The following SLC35F3 variants were observed in gnomAD, a reference collection of about 807,000 sequenced individuals.
SLC35F3 encodes solute carrier family 35 member F3.
In SLC35F3, 25 loss-of-function variants were observed where a neutral mutation model predicts 49.9. That is an observed-to-expected ratio of 0.50 (90% CI 0.37 to 0.70). The LOEUF is 0.70. Among genes scored for constraint, SLC35F3 ranks in the 30% least tolerant of loss-of-function variants. The probability of loss-of-function intolerance (pLI) is 0.00; values close to 1 mark genes in which losing one functional copy is unlikely to be tolerated. For missense variants in SLC35F3, 525 were observed against 639.8 expected (o/e 0.82, Z 1.94); for synonymous variants, 275 against 265.4 (o/e 1.04, Z -0.35).
At chr1:234,122,303 A>G (rs933690567) in intron 2 of SLC35F3, among the ~76,000 whole-genome samples, 17 of 152,252 alleles carry the variant, frequency 1.1e-4, no homozygotes, top group African/African-American at 4.1e-4. Flanking sequence ...ACGTCTGACC[A>G]GGCATTCCGT....
At chr1:234,069,017 T>C (rs1466068255) in intron 2 of SLC35F3, among the ~76,000 whole-genome samples, 88 of 123,618 alleles carry the variant, frequency 7.1e-4, no homozygotes, top group African/African-American at 2.2e-3. Context: ...AATTTTACTA[T>C]ATATAATATA....
intron 2 of SLC35F3, among the ~76,000 whole-genome samples, chr1:234,146,481 C>CTTTTTTTTCTTTTT (rs1665997483): frequency 1.4e-5 from 1 of 74,050 alleles, no homozygotes; most frequent in African/African-American, 6.2e-5. Context: ...GATATTTGCT[C>CTTTTTTTTCTTTTT]TTTTTTTTTT....
chr1:234,318,712 G>A, intron 5 of SLC35F3, 39 bp from the exon 6 acceptor site: 1 of 1,584,972 alleles, frequency 6.3e-7, no homozygotes, highest in Non-Finnish European at 8.6e-7. Flanking sequence ...GGGGTCTGAG[G>A]TGAGCCTTCA....
At chr1:233,945,616 C>A (rs1662501279) in intron 2 of SLC35F3, among the ~76,000 whole-genome samples, 1 of 152,210 alleles carries the variant, frequency 6.6e-6, no homozygotes. Context: ...CAGATCTCAT[C>A]TTGAGTTATA....
chr1:233,926,327 C>T (rs1195249102), intron 2 of SLC35F3, among the ~76,000 whole-genome samples: 4 of 152,038 alleles, frequency 2.6e-5, no homozygotes, highest in Admixed American at 2.6e-4. Context: ...CGGCTTTATT[C>T]GTTTCTTTTT....
intron 2 of SLC35F3, among the ~76,000 whole-genome samples, chr1:234,114,748 A>G (rs112354445): frequency 0.018 from 2,709 of 152,316 alleles, 72 homozygotes; most frequent in African/African-American, 0.062. Context: ...GAAGAGTTGG[A>G]AAGAGGCGTT....
intron 2 of SLC35F3, among the ~76,000 whole-genome samples, chr1:234,060,129 T>C (rs759774333): frequency 2.5e-4 from 38 of 152,190 alleles, no homozygotes; most frequent in Non-Finnish European, 5.4e-4. Flanking sequence ...CTTTAAACTT[T>C]AGTGAGGTTT....
At chr1:234,147,223 C>G (rs2102906575) in intron 2 of SLC35F3, among the ~76,000 whole-genome samples, 2 of 119,362 alleles carry the variant, frequency 1.7e-5, no homozygotes, top group South Asian at 5.4e-4. Context: ...TTTGCCCTTT[C>G]TATTTTCTTT....
chr1:234,129,199 A>G (rs532394167), intron 2 of SLC35F3, among the ~76,000 whole-genome samples: 17 of 152,358 alleles, frequency 1.1e-4, no homozygotes, highest in African/African-American at 3.8e-4. Flanking sequence ...GCACTTTACA[A>G]TAGAGGATAT....
At chr1:234,073,721 A>G (rs1414907234) in intron 2 of SLC35F3, among the ~76,000 whole-genome samples, 1 of 152,210 alleles carries the variant, frequency 6.6e-6, no homozygotes, top group African/African-American at 2.4e-5. Flanking sequence ...TCCATATAAA[A>G]TAAAAATCCA....
chr1:234,087,178 T>C (rs1016230552), intron 2 of SLC35F3, among the ~76,000 whole-genome samples: 1 of 152,162 alleles, frequency 6.6e-6, no homozygotes, highest in Non-Finnish European at 1.5e-5. Context: ...TGTGCCATGC[T>C]CATCTAGGGA....
intron 3 of SLC35F3, among the ~76,000 whole-genome samples, chr1:234,248,850 A>G (rs1336717802): frequency 3.3e-5 from 5 of 152,234 alleles, no homozygotes; most frequent in Admixed American, 2.6e-4. Context: ...CTGCCCTTCC[A>G]GAGTCATAGA....
At chr1:234,037,425 A>G (rs910290236) in intron 2 of SLC35F3, among the ~76,000 whole-genome samples, 2 of 152,214 alleles carry the variant, frequency 1.3e-5, no homozygotes, top group Non-Finnish European at 2.9e-5. Flanking sequence ...CACTTCCAAC[A>G]TTGGTATCAC....
chr1:234,190,332 ACACATAAGGACT>A (rs1278282116), intron 2 of SLC35F3, among the ~76,000 whole-genome samples: 1 of 152,226 alleles, frequency 6.6e-6, no homozygotes, highest in Non-Finnish European at 1.5e-5. Context: ...GACTCACCTA[ACACATAAGGACT>A]CACATAAACT....
chr1:234,271,277 G>T (rs139763502), intron 3 of SLC35F3, among the ~76,000 whole-genome samples: 3 of 152,134 alleles, frequency 2.0e-5, no homozygotes, highest in African/African-American at 7.2e-5. Context: ...ATGAGGGTCC[G>T]AGAAGGCACA....
intron 2 of SLC35F3, among the ~76,000 whole-genome samples, chr1:234,229,561 C>T (rs942723630): frequency 6.6e-6 from 1 of 152,196 alleles, no homozygotes; most frequent in African/African-American, 2.4e-5. Context: ...AAGAAACATG[C>T]TGTGAGCTGA....
At position 233,940,129 on chromosome 1, in the gene SLC35F3, C is replaced by A. The variant is rs564359301; in HGVS notation, c.283+34371C>A. Among the ~76,000 whole-genome samples, 9 of 152,198 alleles carry A rather than the reference C, an allele frequency of 5.9e-5. No homozygotes were observed. The South Asian group carries it at 1.9e-3, about 32-fold the overall frequency. On this transcript the variant is annotated intron_variant, in intron 2 of 7. Transcript: ENST00000366618. ...CATGCAGTTTTTGCTAGAATGGGAT[C>A]ATAATCTGCACTTTGTTCTGCGGTT...
chr1:234,022,034 G>A (rs895867066), intron 2 of SLC35F3, among the ~76,000 whole-genome samples: 14 of 152,174 alleles, frequency 9.2e-5, no homozygotes, highest in Admixed American at 6.5e-5. Context: ...GTCCAGGGAT[G>A]ATAGTGTTCA....
At chr1:234,118,880 C>A (rs1011067997) in intron 2 of SLC35F3, among the ~76,000 whole-genome samples, 1 of 143,926 alleles carries the variant, frequency 6.9e-6, no homozygotes, top group East Asian at 4.1e-4. Flanking sequence ...TTCTTTTTTT[C>A]TTTTCTTTTT....
Sources: gnomAD v4.1 joint callset for allele counts (sites outside exome capture counted in the v4.1 genomes callset) on GRCh38, gnomAD v4.1.1 for gene constraint, MANE v1.5 for transcripts, NCBI Gene and HGNC (gene_info 2026-07-23, HGNC 2026-07-21) for gene names.